EBF1: variants seen among roughly 807,000 people sequenced by gnomAD.
The protein encoded by EBF1 is EBF transcription factor 1.
Under a neutral mutation model 68.4 loss-of-function variants are expected in EBF1, and 10 were observed. That is an observed-to-expected ratio of 0.15 (90% CI 0.09 to 0.25). EBF1 has a LOEUF of 0.25. EBF1 is among the 10% of genes least tolerant of loss of function. The pLI, the probability that EBF1 is intolerant of heterozygous loss-of-function variation, is 1.00. For missense variants in EBF1, 509 were observed against 794.4 expected (o/e 0.64, Z 4.32); for synonymous variants, 298 against 299.8 (o/e 0.99, Z 0.06).
At chr5:159,052,017 T>A (rs1450506274) in intron 6 of EBF1, among the ~76,000 whole-genome samples, 4 of 101,982 alleles carry the variant, frequency 3.9e-5, no homozygotes, top group South Asian at 2.9e-4. Flanking sequence ...CGCAAAAAAA[T>A]TATTATTATT....
At chr5:159,034,815 C>T (rs1187741525) in intron 6 of EBF1, among the ~76,000 whole-genome samples, 1 of 152,106 alleles carries the variant, frequency 6.6e-6, no homozygotes, top group African/African-American at 2.4e-5. Flanking sequence ...CATGATGGAG[C>T]TCCAGGTAAT....
chr5:158,969,918 A>AAGAAAGAAAGAAAGAAAG (rs1282568991), intron 6 of EBF1, among the ~76,000 whole-genome samples: 13 of 53,148 alleles, frequency 2.4e-4, no homozygotes, highest in Non-Finnish European at 3.7e-4. Context: ...GAAAGAAAGA[A>AAGAAAGAAAGAAAGAAAG]AAAAAAAAAA....
At chr5:158,967,678 G>A (rs1754452400) in intron 6 of EBF1, among the ~76,000 whole-genome samples, 1 of 152,166 alleles carries the variant, frequency 6.6e-6, no homozygotes, top group Admixed American at 6.6e-5. Flanking sequence ...TGGTTTTGGG[G>A]AATGGGGAAG....
At chr5:158,747,242 G>C (rs1010692277) in intron 10 of EBF1, among the ~76,000 whole-genome samples, 2 of 152,180 alleles carry the variant, frequency 1.3e-5, no homozygotes, top group African/African-American at 4.8e-5. Context: ...ATTCCTCCAT[G>C]TAAGCCTGAC....
intron 6 of EBF1, among the ~76,000 whole-genome samples, chr5:158,932,928 C>T (rs1811196616): frequency 6.6e-6 from 1 of 152,204 alleles, no homozygotes; most frequent in South Asian, 2.1e-4. Context: ...CCAAGATCCT[C>T]ATGGGTAGAT....
At chr5:158,828,565 C>T (rs771534299) in intron 7 of EBF1, among the ~76,000 whole-genome samples, 3 of 152,122 alleles carry the variant, frequency 2.0e-5, no homozygotes, top group Non-Finnish European at 2.9e-5. Context: ...AATACACCCA[C>T]ACAAACAAGT....
At chr5:158,982,606 T>C (rs1045263293) in intron 6 of EBF1, among the ~76,000 whole-genome samples, 1 of 152,160 alleles carries the variant, frequency 6.6e-6, no homozygotes, top group African/African-American at 2.4e-5. Context: ...TAAAAATCCC[T>C]GTTGACAAGG....
At chr5:158,929,128 T>C (rs1249341654) in intron 6 of EBF1, among the ~76,000 whole-genome samples, 3 of 152,196 alleles carry the variant, frequency 2.0e-5, no homozygotes, top group African/African-American at 7.2e-5. Context: ...GGCAGAGAGA[T>C]ACATGTTATA....
At chr5:158,951,708 T>C (rs567409549) in intron 6 of EBF1, among the ~76,000 whole-genome samples, 1 of 152,294 alleles carries the variant, frequency 6.6e-6, no homozygotes, top group African/African-American at 2.4e-5. Flanking sequence ...GATTCTCTGA[T>C]TGGGACCAAG....
At chr5:159,088,243 A>G (rs1781058584) in intron 4 of EBF1, among the ~76,000 whole-genome samples, 1 of 152,178 alleles carries the variant, frequency 6.6e-6, no homozygotes, top group Admixed American at 6.5e-5. Flanking sequence ...TGGATCCAGC[A>G]TAGGAATATA....
At chr5:158,835,859 A>C (rs1582383219) in intron 7 of EBF1, among the ~76,000 whole-genome samples, 1 of 152,216 alleles carries the variant, frequency 6.6e-6, no homozygotes, top group Non-Finnish European at 1.5e-5. Context: ...GGGTATTTTG[A>C]AGATAAACAT....
chr5:158,972,940 C>T (rs1428874518), intron 6 of EBF1, among the ~76,000 whole-genome samples: 2 of 152,222 alleles, frequency 1.3e-5, no homozygotes, highest in Admixed American at 6.5e-5. Context: ...CCCTCTGCTC[C>T]TTCAGGTCTT....
intron 6 of EBF1, among the ~76,000 whole-genome samples, chr5:158,962,483 C>G (rs533857128): frequency 2.6e-5 from 4 of 152,288 alleles, no homozygotes; most frequent in African/African-American, 7.2e-5. Context: ...AACTTTGACT[C>G]TGCACACTCC....
intron 10 of EBF1, among the ~76,000 whole-genome samples, chr5:158,752,921 G>A (rs767250924): frequency 2.0e-5 from 3 of 152,058 alleles, no homozygotes; most frequent in Non-Finnish European, 4.4e-5. Context: ...AGTGAAAAAT[G>A]TGGTTTCAAT....
intron 6 of EBF1, among the ~76,000 whole-genome samples, chr5:158,842,490 GC>G (rs1362205630): frequency 6.6e-6 from 1 of 152,216 alleles, no homozygotes; most frequent in Non-Finnish European, 1.5e-5. Flanking sequence ...AAAGGCCACA[GC>G]CATTAGAAAC....
chr5:159,097,331 C>T (rs879726080), intron 1 of EBF1, among the ~76,000 whole-genome samples: 12 of 152,242 alleles, frequency 7.9e-5, no homozygotes, highest in African/African-American at 2.9e-4. Context: ...TCGTCCTCTC[C>T]GCCAAGGACG....
chr5:158,862,891 T>C (rs1795208105), intron 6 of EBF1, among the ~76,000 whole-genome samples: 2 of 152,246 alleles, frequency 1.3e-5, no homozygotes, highest in Non-Finnish European at 2.9e-5. Flanking sequence ...CAGTCCTTCA[T>C]TAGACTCACA....
intron 8 of EBF1, among the ~76,000 whole-genome samples, chr5:158,815,813 G>A (rs1291722015): frequency 5.3e-5 from 8 of 152,124 alleles, no homozygotes; most frequent in South Asian, 2.1e-4. Context: ...CACTCACATC[G>A]TTGTGCATTA....
intron 6 of EBF1, among the ~76,000 whole-genome samples, chr5:158,966,021 C>T (rs893330736): frequency 3.3e-5 from 5 of 152,150 alleles, no homozygotes; most frequent in African/African-American, 1.2e-4. Context: ...TGTTCTCTAT[C>T]TGGGACAAGG....
Sources: allele counts gnomAD v4.1 joint callset (sites outside exome capture counted in the v4.1 genomes callset), GRCh38; gene constraint gnomAD v4.1.1; transcripts MANE v1.5; gene names NCBI Gene and HGNC (gene_info 2026-07-23, HGNC 2026-07-21).